The following CRAMP1 variants were observed in gnomAD, a reference collection of about 807,000 sequenced individuals.
CRAMP1 encodes the protein cramped chromatin regulator 1.
CRAMP1 carries 50 observed loss-of-function variants against 115.4 expected under a neutral mutation model. The ratio of observed to expected loss-of-function variants is 0.43; its 90% CI spans 0.35 to 0.55. The LOEUF (loss-of-function observed/expected upper bound fraction) is 0.55. Among genes scored for constraint, CRAMP1 ranks in the 20% least tolerant of loss-of-function variants. The pLI is 0.01. For missense variants in CRAMP1, 1,679 were observed against 1,721.7 expected, an observed-to-expected ratio of 0.98 and a Z score of 0.44; for synonymous variants, 866 against 745.4, an observed-to-expected ratio of 1.16 and a Z score of -2.64.
At chr16:1,652,829 C>T (rs983306102) in intron 7 of CRAMP1, among the ~76,000 whole-genome samples, 1 of 152,192 alleles carries the variant, frequency 6.6e-6, no homozygotes. Flanking sequence ...CTCCTATGGC[C>T]TCTCTGGACC....
intron 4 of CRAMP1, among the ~76,000 whole-genome samples, chr16:1,636,695 G>A (rs567636140): frequency 2.6e-5 from 4 of 152,228 alleles, no homozygotes; most frequent in African/African-American, 9.7e-5. Flanking sequence ...ATTAGGTCTG[G>A]TGTAATACAG....
At position 1,652,606 on chromosome 16, in the gene CRAMP1, A is replaced by T. The variant is rs751923142; in HGVS notation, c.913+25A>T. 3.9e-6 allele frequency: 6 copies of T among 1,545,382 alleles called. No homozygotes were observed. The South Asian group carries it at 6.0e-5, about 15-fold the overall frequency. ...GGTAAGTGAATGGGGCGCTCCCGGGACCAGAGGCGGTGCCCATGGTGTCCC... is the reference window on the plus strand; with the variant it reads ...GGTAAGTGAATGGGGCGCTCCCGGGTCCAGAGGCGGTGCCCATGGTGTCCC... On this transcript the variant is annotated intron_variant, in intron 7 of 20. Coordinates refer to ENST00000397412, the MANE Select transcript of CRAMP1 (RefSeq NM_020825.4).
intron 6 of CRAMP1, among the ~76,000 whole-genome samples, chr16:1,644,995 C>A (rs2036661623): frequency 1.3e-5 from 2 of 151,790 alleles, no homozygotes; most frequent in African/African-American, 2.4e-5. Flanking sequence ...ATCCTTCACA[C>A]CTGACCCATT....
intron 8 of CRAMP1, 77 bp downstream of exon 8, chr16:1,653,233 A>G: frequency 1.4e-5 from 22 of 1,520,984 alleles, no homozygotes; most frequent in South Asian, 1.4e-4. Context: ...AGTTTCCCTC[A>G]AGGAACTTCC....
intron 18 of CRAMP1, among the ~76,000 whole-genome samples, chr16:1,668,797 G>A (rs1037740466): frequency 9.9e-5 from 15 of 152,168 alleles, no homozygotes; most frequent in African/African-American, 3.4e-4. Flanking sequence ...GGCTACTGCC[G>A]TCGCCTTCAC....
At chr16:1,618,081 A>G (rs1253402799) in intron 2 of CRAMP1, among the ~76,000 whole-genome samples, 1 of 152,202 alleles carries the variant, frequency 6.6e-6, no homozygotes, top group African/African-American at 2.4e-5. Flanking sequence ...CATCTGAAAG[A>G]CATAAGTCAG....
At chr16:1,620,830 G>A (rs987667170) in intron 2 of CRAMP1, 1 of 376,714 alleles carries the variant, frequency 2.7e-6, no homozygotes, top group Non-Finnish European at 5.6e-6. Context: ...CTGACGGCAC[G>A]GCATGGGAAA....
rs781721413 is a variant in CRAMP1, at chr16:1,656,618, C to T, written c.1861C>T (p.Pro621Ser). The change falls in exon 10 of 21, where the codon CCC becomes TCC. Residue 621 changes from proline to serine, a missense_variant. By Grantham distance (74) the Pro-to-Ser change is moderately conservative. Transcript: ENST00000397412. This position sits in a 1 kb window ranked among gnomAD's most constrained non-coding sequence, Gnocchi z 5.6. ...CACTGGCCCATCCCCGAGGCCCGGC[C>T]CCGGGCTCCTGCTGGATGTTTGCAC... ...APTGPSPRPG[P>S]GLLLDVCTKD... 26 of 1,575,494 alleles carry T rather than the reference C, an allele frequency of 1.7e-5. No individual in the cohort carries two copies. The South Asian group carries it at 2.9e-4, about 18-fold the overall frequency.
chr16:1,642,956 A>C (rs1023373566), intron 6 of CRAMP1, among the ~76,000 whole-genome samples: 1 of 152,218 alleles, frequency 6.6e-6, no homozygotes, highest in Non-Finnish European at 1.5e-5. Context: ...GGGAGAACTT[A>C]TGTAAGAAAT....
At position 1,669,412 on chromosome 16, in the gene CRAMP1, TG is replaced by T. The variant is rs2036903173; in HGVS notation, c.3499+249del. On this transcript the variant is annotated intron_variant, in intron 19 of 20. Transcript: ENST00000397412. The surrounding 1 kb of genome is among the most constrained non-coding windows in gnomAD (Gnocchi z 4.6). ...TATAGCCTGGTAACCCACAAGCCAA[TG>T]GAGACCTAGAACATTCCCGTGACCC... Among the ~76,000 whole-genome samples, 2 of 152,200 alleles carry T rather than the reference TG, an allele frequency of 1.3e-5. No individual in the cohort carries two copies. The highest frequency in any genetic ancestry group is 2.4e-5 in the African/African-American group (1 of 41,458).
intron 1 of CRAMP1, among the ~76,000 whole-genome samples, chr16:1,612,978 C>G (rs1008418894): frequency 6.6e-6 from 1 of 152,096 alleles, no homozygotes; most frequent in Non-Finnish European, 1.5e-5. Context: ...AAAGCGCTTC[C>G]CCGTGCTCGG....
At chr16:1,664,902 C>T (rs2036860749) in intron 13 of CRAMP1, among the ~76,000 whole-genome samples, 155 bp from the exon 14 acceptor site, 1 of 152,046 alleles carries the variant, frequency 6.6e-6, no homozygotes, top group Non-Finnish European at 1.5e-5. Context: ...TCCTAACTGT[C>T]TGAGCAGTCC....
Position 1,666,386 on chromosome 16 carries a change from T to C in CRAMP1, c.2858-36T>C. ...CTTGGGACATCTTATGGGTTGTCAG[T>C]AGAGCAGAGATGTGCAGCGTCCTTT... On this transcript the variant is annotated intron_variant, in intron 15 of 20. Coordinates refer to ENST00000397412, the MANE Select transcript of CRAMP1 (RefSeq NM_020825.4). This position sits in a 1 kb window ranked among gnomAD's most constrained non-coding sequence, Gnocchi z 5.0. 1 of 1,588,314 alleles carries C rather than the reference T, an allele frequency of 6.3e-7. No homozygotes were observed. The highest frequency in any genetic ancestry group is 8.6e-7 in the Non-Finnish European group (1 of 1,164,798).
At chr16:1,629,082 T>C (rs2036528664) in intron 3 of CRAMP1, among the ~76,000 whole-genome samples, 2 of 152,220 alleles carry the variant, frequency 1.3e-5, no homozygotes, top group Non-Finnish European at 2.9e-5. Context: ...TGACTTCATT[T>C]CAAGTTCCTG....
chr16:1,645,732 C>T (rs918587046), intron 6 of CRAMP1, among the ~76,000 whole-genome samples: 10 of 152,194 alleles, frequency 6.6e-5, no homozygotes, highest in African/African-American at 2.4e-4. Flanking sequence ...AGCTTCACCC[C>T]AGCAGCCTCT....
intron 8 of CRAMP1, 44 bp downstream of exon 8, chr16:1,653,200 C>T: frequency 8.8e-6 from 14 of 1,587,400 alleles, no homozygotes; most frequent in South Asian, 1.1e-5. Flanking sequence ...ACTGCTTGAG[C>T]AGGACTGGAA....
At chr16:1,621,570 G>A (rs2036466230) in intron 2 of CRAMP1, among the ~76,000 whole-genome samples, 1 of 152,168 alleles carries the variant, frequency 6.6e-6, no homozygotes, top group Non-Finnish European at 1.5e-5. Context: ...AGCAGCCTGG[G>A]GTGTGCTGTC....
At chr16:1,667,727 A>G (rs2036888284) in intron 17 of CRAMP1, among the ~76,000 whole-genome samples, 2 of 152,184 alleles carry the variant, frequency 1.3e-5, no homozygotes, top group South Asian at 4.1e-4. Context: ...TCTTTCTGGC[A>G]GCAGTCAAAG....
At chr16:1,659,767 C>A in intron 10 of CRAMP1, 119 bp from the exon 11 acceptor site, 1 of 979,492 alleles carries the variant, frequency 1.0e-6, no homozygotes, top group Non-Finnish European at 1.6e-6. Flanking sequence ...CTGGCCTTTG[C>A]CGTCATGACA....
Sources: gnomAD v4.1 joint callset for allele counts (sites outside exome capture counted in the v4.1 genomes callset) on GRCh38, gnomAD v4.1.1 for gene constraint, Gnocchi (gnomAD v3.1) non-coding constraint, MANE v1.5 for transcripts, NCBI Gene and HGNC (gene_info 2026-07-23, HGNC 2026-07-21) for gene names.